NFE2L2: variants seen among roughly 807,000 people sequenced by gnomAD.
The protein encoded by NFE2L2 is NFE2 like bZIP transcription factor 2.
NFE2L2 carries 20 observed loss-of-function variants against 49.6 expected under a neutral mutation model. The observed-to-expected ratio is 0.40, with a 90% CI of 0.28 to 0.59. The LOEUF (loss-of-function observed/expected upper bound fraction) is 0.59, where lower values mean the gene tolerates loss of function less well. Ranked by LOEUF, NFE2L2 falls within the 20% of genes least tolerant of loss-of-function variation. The probability of loss-of-function intolerance (pLI) is 0.40; values close to 1 mark genes in which losing one functional copy is unlikely to be tolerated. For synonymous variants in NFE2L2, 244 were observed against 256.5 expected (o/e 0.95, Z 0.47); for missense variants, 578 against 714.2 (o/e 0.81, Z 2.17).
rs753535836 is a variant in NFE2L2, at chr2:177,261,185, AC to A, written c.45+3346del. Reference sequence around the variant, plus strand: ...GACTTCATCTCAAAAAAAAAAAAAAACAAAAAACAAAAAACAGTCCTGCCTT... The same window carrying A: ...GACTTCATCTCAAAAAAAAAAAAAAAAAAAAACAAAAAACAGTCCTGCCTT... On this transcript the variant is annotated intron_variant, in intron 1 of 4. Coordinates refer to ENST00000397062, the MANE Select transcript of NFE2L2 (RefSeq NM_006164.5). Among the ~76,000 whole-genome samples, 593 of 142,702 alleles carry A rather than the reference AC, an allele frequency of 4.2e-3. 2 individuals are homozygous for A. Among genetic ancestry groups the A allele is most frequent in the Non-Finnish European group, 6.6e-3 (429 of 65,320 alleles). 93.6% of individuals were successfully genotyped at this position (142,702 alleles called of 152,430 possible). A position where few individuals can be genotyped will look rare whatever the true frequency, so the allele number is the denominator to read the frequency against.
intron 1 of NFE2L2, among the ~76,000 whole-genome samples, chr2:177,253,502 A>G (rs1252341520): frequency 6.6e-6 from 1 of 152,260 alleles, no homozygotes; most frequent in Non-Finnish European, 1.5e-5. Context: ...TGGAAGATTA[A>G]AACAGCTTCA....
At chr2:177,244,626 A>C (rs555299875) in intron 1 of NFE2L2, among the ~76,000 whole-genome samples, 58 of 152,326 alleles carry the variant, frequency 3.8e-4, no homozygotes, top group African/African-American at 1.3e-3. Context: ...TCCAATAAAC[A>C]AGGGTTAAAT....
At chr2:177,254,662 A>G (rs1690454751) in intron 1 of NFE2L2, among the ~76,000 whole-genome samples, 2 of 152,238 alleles carry the variant, frequency 1.3e-5, no homozygotes, top group African/African-American at 4.8e-5. Flanking sequence ...CTCCTTAAGT[A>G]GCGACACTGT....
chr2:177,235,552 G>A (rs1689718822), intron 1 of NFE2L2, among the ~76,000 whole-genome samples: 1 of 152,100 alleles, frequency 6.6e-6, no homozygotes, highest in South Asian at 2.1e-4. Context: ...AGGAGAGGCT[G>A]AGCTTGGTGA....
intron 1 of NFE2L2, among the ~76,000 whole-genome samples, chr2:177,256,797 G>A (rs1485882810): frequency 1.3e-5 from 2 of 152,204 alleles, no homozygotes; most frequent in Non-Finnish European, 1.5e-5. Flanking sequence ...TGGGCCTTGC[G>A]AGCTCTGCCT....
At chr2:177,249,686 C>T (rs1690265107) in intron 1 of NFE2L2, among the ~76,000 whole-genome samples, 2 of 152,098 alleles carry the variant, frequency 1.3e-5, no homozygotes, top group South Asian at 4.1e-4. Flanking sequence ...ATTATTTTAA[C>T]ATGCAACCAA....
intron 1 of NFE2L2, among the ~76,000 whole-genome samples, chr2:177,253,198 C>A (rs116768505): frequency 1.3e-5 from 2 of 152,332 alleles, no homozygotes; most frequent in African/African-American, 4.8e-5. Context: ...TCCAGGATAT[C>A]CTCTCTGAGC....
At chr2:177,261,399 C>T (rs56718550) in intron 1 of NFE2L2, among the ~76,000 whole-genome samples, 26,239 of 152,072 alleles carry the variant, frequency 0.17, 2,466 homozygotes, top group Middle Eastern at 0.23. Context: ...CCTCTCCTTC[C>T]CCCAGAATAG....
At chr2:177,238,562 T>C (rs1404909423) in intron 1 of NFE2L2, among the ~76,000 whole-genome samples, 3 of 152,214 alleles carry the variant, frequency 2.0e-5, no homozygotes, top group Non-Finnish European at 4.4e-5. Flanking sequence ...ATGTAAAATA[T>C]GCAAATGTTT....
In NFE2L2 at chr2:177,234,036, G is replaced by A. The variant is rs2105458263; in HGVS notation, c.281C>T (p.Ser94Leu). 6.2e-7 allele frequency: 1 copy of A among 1,614,226 alleles called. No individual in the cohort carries two copies. Among genetic ancestry groups the A allele is most frequent in the Non-Finnish European group, 8.5e-7 (1 of 1,180,038 alleles). The change falls in exon 2 of 5, where the codon TCA becomes TTA. Residue 94 changes from serine (S) to leucine (L), a missense_variant. Physicochemically the swap from Ser to Leu is moderately radical, Grantham distance 145 (BLOSUM62 -2). Coordinates refer to ENST00000397062, the MANE Select transcript of NFE2L2 (RefSeq NM_006164.5). ...GTAGTTGGCAGATCCACTGGTTTCT[G>A]ACTGGATGTGCTGGGCTGGCTGAAT... Reference protein sequence around the residue: ...LPIQPAQHIQSETSGSANYSQ... With the variant: ...LPIQPAQHIQLETSGSANYSQ...
intron 1 of NFE2L2, among the ~76,000 whole-genome samples, chr2:177,239,538 G>A (rs565888982): frequency 2.6e-5 from 4 of 152,176 alleles, no homozygotes; most frequent in South Asian, 2.1e-4. Flanking sequence ...TTAGCCGGGC[G>A]TGGTGGCATG....
intron 3 of NFE2L2, 72 bp from the exon 4 acceptor site, chr2:177,232,655 C>T (rs986135081): frequency 1.5e-5 from 22 of 1,462,304 alleles, no homozygotes; most frequent in Non-Finnish European, 2.0e-5. Context: ...GGCACCACTA[C>T]AAAACAAAAT....
chr2:177,233,112 C>T, intron 3 of NFE2L2, 138 bp downstream of exon 3: 5 of 687,714 alleles, frequency 7.3e-6, no homozygotes, highest in South Asian at 4.0e-5. Flanking sequence ...AAGAGTATTT[C>T]CTTGGTTAAA....
chr2:177,249,873 G>A (rs1205972697), intron 1 of NFE2L2, among the ~76,000 whole-genome samples: 3 of 152,152 alleles, frequency 2.0e-5, no homozygotes, highest in African/African-American at 7.2e-5. Context: ...TAAAAATTCA[G>A]TTCCTTGGTT....
At chr2:177,250,501 C>T (rs1690296074) in intron 1 of NFE2L2, among the ~76,000 whole-genome samples, 2 of 152,224 alleles carry the variant, frequency 1.3e-5, no homozygotes, top group African/African-American at 4.8e-5. Context: ...TTATCTTGTA[C>T]TTTCTATGTG....
chr2:177,263,863 C>A, intron 1 of NFE2L2: 1 of 985,544 alleles, frequency 1.0e-6, no homozygotes, highest in South Asian at 4.7e-5. Context: ...ACTTAAGGCG[C>A]TCCTCCCTCG....
intron 1 of NFE2L2, among the ~76,000 whole-genome samples, chr2:177,236,423 AC>A (rs1414591402): frequency 6.6e-6 from 1 of 152,190 alleles, no homozygotes; most frequent in Non-Finnish European, 1.5e-5. Context: ...AGTTAGGTAT[AC>A]CTCACTAGGA....
chr2:177,261,677 C>T (rs989063114), intron 1 of NFE2L2, among the ~76,000 whole-genome samples: 3 of 152,144 alleles, frequency 2.0e-5, no homozygotes, highest in Admixed American at 6.5e-5. Flanking sequence ...TAATATTTCC[C>T]GTGAGGTTAC....
intron 1 of NFE2L2, among the ~76,000 whole-genome samples, chr2:177,243,283 G>A (rs1408793900): frequency 3.1e-4 from 47 of 152,042 alleles, no homozygotes; most frequent in Non-Finnish European, 1.2e-4. Context: ...CTGACCAGGT[G>A]GCTCAGATCT....
Sources: allele counts gnomAD v4.1 joint callset (sites outside exome capture counted in the v4.1 genomes callset), GRCh38; gene constraint gnomAD v4.1.1; transcripts MANE v1.5; gene names NCBI Gene and HGNC (gene_info 2026-07-23, HGNC 2026-07-21).